Variants in MYO16 observed in about 807,000 individuals in gnomAD.
MYO16 encodes unconventional myosin-XVI.
Under a neutral mutation model 205.3 loss-of-function variants are expected in MYO16, and 94 were observed. The observed-to-expected ratio is 0.46, with a 90% CI of 0.39 to 0.54. The LOEUF (loss-of-function observed/expected upper bound fraction) is 0.54, where lower values mean the gene tolerates loss of function less well. Among genes scored for constraint, MYO16 ranks in the 20% least tolerant of loss-of-function variants. The pLI, the probability that MYO16 is intolerant of heterozygous loss-of-function variation, is 0.00. For missense variants in MYO16, 2,315 were observed against 2,387.5 expected (o/e 0.97, Z 0.63); for synonymous variants, 988 against 954.0 (o/e 1.04, Z -0.66).
chr13:108,837,331 C>G (rs1030291690), intron 9 of MYO16, among the ~76,000 whole-genome samples: 2 of 152,176 alleles, frequency 1.3e-5, no homozygotes, highest in Admixed American at 1.3e-4. Context: ...AATTAAACCT[C>G]TTTCCTTTAT....
intron 9 of MYO16, among the ~76,000 whole-genome samples, chr13:108,834,934 A>G (rs1421049659): frequency 6.6e-6 from 1 of 151,872 alleles, no homozygotes; most frequent in Non-Finnish European, 1.5e-5. Flanking sequence ...AAAATGTTTT[A>G]TTGTTAAAGA....
chr13:108,886,406 C>G (rs1277677769), intron 13 of MYO16: 2 of 456,158 alleles, frequency 4.4e-6, no homozygotes, highest in South Asian at 3.1e-5. Context: ...CTTAGCTCGG[C>G]TACGTCCAGG....
chr13:108,936,129 C>CTTCCTTCCTTCT (rs1882473727), intron 16 of MYO16, among the ~76,000 whole-genome samples: 1 of 145,570 alleles, frequency 6.9e-6, no homozygotes, highest in Non-Finnish European at 1.5e-5. Flanking sequence ...TCCTTCCTTC[C>CTTCCTTCCTTCT]TTCCTTCCTT....
At chr13:109,198,756 A>G (rs1880265687) in intron 34 of MYO16, among the ~76,000 whole-genome samples, 1 of 152,200 alleles carries the variant, frequency 6.6e-6, no homozygotes, top group Admixed American at 6.5e-5. Context: ...AGACACCTGC[A>G]TATGTGACTC....
the MYO16 span, among the ~76,000 whole-genome samples, chr13:108,551,711 C>A: frequency 6.6e-6 from 1 of 152,074 alleles, no homozygotes; most frequent in East Asian, 1.9e-4. Context: ...GTAGGAAAGG[C>A]CTTTCATGAT....
chr13:108,927,347 C>G (rs1340111878), intron 16 of MYO16, among the ~76,000 whole-genome samples: 1 of 152,094 alleles, frequency 6.6e-6, no homozygotes, highest in East Asian at 1.9e-4. Flanking sequence ...TTTCAACATC[C>G]CTTGGCGAGT....
At chr13:108,622,139 G>A (rs1189274966) in intron 1 of MYO16, among the ~76,000 whole-genome samples, 1 of 152,098 alleles carries the variant, frequency 6.6e-6, no homozygotes, top group Non-Finnish European at 1.5e-5. Context: ...GTTTCTACTA[G>A]TCATTGATAC....
the MYO16 span, among the ~76,000 whole-genome samples, chr13:108,550,171 C>T: frequency 6.6e-6 from 1 of 152,270 alleles, no homozygotes; most frequent in East Asian, 1.9e-4. Context: ...CCACTGGCGA[C>T]ATGATTCCTC....
the MYO16 span, among the ~76,000 whole-genome samples, chr13:108,530,044 G>A: frequency 5.9e-5 from 9 of 152,172 alleles, no homozygotes; most frequent in East Asian, 1.9e-4. Context: ...AGGTGGGTCC[G>A]TGTGCATTCC....
chr13:108,677,355 GCA>G (rs1491122271), intron 2 of MYO16, among the ~76,000 whole-genome samples: 13 of 76,792 alleles, frequency 1.7e-4, no homozygotes, highest in African/African-American at 6.9e-4. Context: ...ATATATATAT[GCA>G]TATATATATA....
chr13:108,997,402 GAGT>G (rs1885062228), intron 21 of MYO16, among the ~76,000 whole-genome samples: 1 of 69,824 alleles, frequency 1.4e-5, no homozygotes, highest in African/African-American at 5.4e-5. Context: ...GAGGGAGGGA[GAGT>G]GGGAGGAAAG....
rs10557146 is a variant in MYO16 at position 109,055,246 on chromosome 13, TACACAC to T, written c.3130-120_3130-115del. On this transcript the variant is annotated intron_variant, in intron 26 of 34. Transcript: ENST00000457511. This position sits in a 1 kb window ranked among gnomAD's most constrained non-coding sequence, Gnocchi z 5.0. ...AATATCTTCACAAAAAAAGTAAACA[TACACAC>T]ACACACACACACACACACACACAGA... 0.023 allele frequency: 15,001 copies of T among 657,354 alleles called. 182 individuals carry two copies. Among genetic ancestry groups the T allele is most frequent in the African/African-American group, 0.064 (3,432 of 53,878 alleles). The allele number at this position is 657,354 out of a possible 1,614,324, so 40.7% of individuals were successfully genotyped here. A position where few individuals can be genotyped will look rare whatever the true frequency, so the allele number is the denominator to read the frequency against.
intron 16 of MYO16, among the ~76,000 whole-genome samples, chr13:108,919,707 C>G (rs539816377): frequency 1.3e-5 from 2 of 152,220 alleles, no homozygotes; most frequent in African/African-American, 4.8e-5. Context: ...CACAAACATT[C>G]TCAGGGTTGT....
At chr13:108,940,732 G>A (rs916134476) in intron 16 of MYO16, among the ~76,000 whole-genome samples, 2 of 152,182 alleles carry the variant, frequency 1.3e-5, no homozygotes, top group African/African-American at 4.8e-5. Flanking sequence ...GTTAAATGAA[G>A]CACCAGCTGC....
At chr13:108,889,100 AT>A (rs1292904439) in intron 14 of MYO16, among the ~76,000 whole-genome samples, 4 of 152,070 alleles carry the variant, frequency 2.6e-5, no homozygotes, top group African/African-American at 7.2e-5. Context: ...GTGTTAGGAC[AT>A]TTTGGGGAGC....
In MYO16 at chr13:108,678,066, A is replaced by G. The variant is rs142550119; in HGVS notation, c.292+11917A>G. Among the ~76,000 whole-genome samples the G allele has an allele frequency of 4.2e-3, 642 of 152,344 alleles. 2 individuals carry two copies. The highest frequency in any genetic ancestry group is 0.015 in the African/African-American group (603 of 41,576). ...GATCACTGCCTCTGACAGTGCCACCATAGTACACACAGAAGTAAAATGTTC... is the reference window on the plus strand; with the variant it reads ...GATCACTGCCTCTGACAGTGCCACCGTAGTACACACAGAAGTAAAATGTTC... On this transcript the variant is annotated intron_variant, in intron 2 of 34. Coordinates refer to ENST00000457511, the MANE Select transcript of MYO16 (RefSeq NM_001198950.3).
intron 10 of MYO16, among the ~76,000 whole-genome samples, chr13:108,854,461 G>C (rs1878064137): frequency 6.6e-6 from 1 of 152,028 alleles, no homozygotes; most frequent in Non-Finnish European, 1.5e-5. Context: ...ACACTACATA[G>C]ACATGATAAG....
chr13:108,712,790 A>C, intron 3 of MYO16, 59 bp downstream of exon 3: 1 of 1,357,304 alleles, frequency 7.4e-7, no homozygotes, highest in Non-Finnish European at 1.0e-6. Flanking sequence ...AGTACATTAC[A>C]GGTTCAAACC....
At chr13:108,651,750 C>T (rs1039415246) in intron 1 of MYO16, among the ~76,000 whole-genome samples, 17 of 152,172 alleles carry the variant, frequency 1.1e-4, no homozygotes. Context: ...GTTTATTTCT[C>T]TGTCTTTCAG....
Sources: gnomAD v4.1 joint callset for allele counts (sites outside exome capture counted in the v4.1 genomes callset) on GRCh38, gnomAD v4.1.1 for gene constraint, Gnocchi (gnomAD v3.1) non-coding constraint, MANE v1.5 for transcripts, NCBI Gene and HGNC (gene_info 2026-07-23, HGNC 2026-07-21) for gene names.